SGK3: variants seen among roughly 807,000 people sequenced by gnomAD.
The protein encoded by SGK3 is serum/glucocorticoid regulated kinase family member 3.
Under a neutral mutation model 68.5 loss-of-function variants are expected in SGK3, and 47 were observed. The ratio of observed to expected loss-of-function variants is 0.69; its 90% confidence interval spans 0.54 to 0.87. The LOEUF is 0.87. Ranked by LOEUF, SGK3 falls within the 40% of genes least tolerant of loss-of-function variation. The pLI, the probability that SGK3 is intolerant of heterozygous loss-of-function variation, is 0.00. For missense variants in SGK3, 479 were observed against 575.5 expected, an observed-to-expected ratio of 0.83 and a Z score of 1.72; for synonymous variants, 181 against 189.1, an observed-to-expected ratio of 0.96 and a Z score of 0.35.
At chr8:66,810,022 A>G (rs886573505) in intron 4 of SGK3, among the ~76,000 whole-genome samples, 3 of 152,200 alleles carry the variant, frequency 2.0e-5, no homozygotes, top group African/African-American at 7.2e-5. Flanking sequence ...GCCACATGCC[A>G]TTACATCCAC....
intron 7 of SGK3, among the ~76,000 whole-genome samples, chr8:66,830,513 T>C (rs774599267): frequency 4.6e-5 from 7 of 152,378 alleles, no homozygotes; most frequent in African/African-American, 7.2e-5. Context: ...ATACAACTTA[T>C]GAATTCAGAC....
At chr8:66,746,872 A>T (rs1805669842) in intron 1 of SGK3, among the ~76,000 whole-genome samples, 1 of 151,944 alleles carries the variant, frequency 6.6e-6, no homozygotes, top group Non-Finnish European at 1.5e-5. Context: ...AAAAATATAT[A>T]TTTTTTAAAT....
chr8:66,814,017 G>A, intron 5 of SGK3, 89 bp downstream of exon 5: 11 of 1,099,748 alleles, frequency 1.0e-5, no homozygotes, highest in Non-Finnish European at 1.4e-5. Context: ...TTTGTTCTAT[G>A]AAATGTTACT....
At chr8:66,843,758 C>T (rs981298383) in intron 14 of SGK3, among the ~76,000 whole-genome samples, 2 of 152,158 alleles carry the variant, frequency 1.3e-5, no homozygotes, top group African/African-American at 4.8e-5. Context: ...CTTTGGGAGG[C>T]CAAGGCAGGC....
At chr8:66,857,434 C>T (rs1810557993) in intron 16 of SGK3, among the ~76,000 whole-genome samples, 1 of 152,064 alleles carries the variant, frequency 6.6e-6, no homozygotes, top group Admixed American at 6.6e-5. Context: ...CCTAGAAATT[C>T]AGGGATGGAC....
chr8:66,845,415 CAA>C (rs537290447), intron 14 of SGK3, among the ~76,000 whole-genome samples: 1 of 151,858 alleles, frequency 6.6e-6, no homozygotes, highest in Non-Finnish European at 1.5e-5. Flanking sequence ...AAACAAAAAA[CAA>C]AAAAAGTCAT....
At chr8:66,768,386 G>C (rs1013067054) in intron 1 of SGK3, among the ~76,000 whole-genome samples, 1 of 146,098 alleles carries the variant, frequency 6.8e-6, no homozygotes, top group African/African-American at 2.5e-5. Flanking sequence ...AATGTTTCTT[G>C]TTGTATGAGT....
At chr8:66,731,590 A>G (rs1017389540) in intron 1 of SGK3, among the ~76,000 whole-genome samples, 1 of 152,032 alleles carries the variant, frequency 6.6e-6, no homozygotes, top group African/African-American at 2.4e-5. Flanking sequence ...ACTGGAGTGC[A>G]GTGGCTCGAT....
At chr8:66,841,179 T>C in intron 13 of SGK3, 69 bp downstream of exon 13, 1 of 1,221,680 alleles carries the variant, frequency 8.2e-7, no homozygotes, top group Non-Finnish European at 1.1e-6. Flanking sequence ...ACAGATTGCA[T>C]ATATAAATTT....
chr8:66,779,593 T>C (rs11992512), intron 1 of SGK3, among the ~76,000 whole-genome samples: 2 of 125,670 alleles, frequency 1.6e-5, no homozygotes, highest in African/African-American at 6.4e-5. Context: ...TATATATATA[T>C]ATATATATAA....
At chr8:66,826,452 G>A (rs528493507) in intron 6 of SGK3, among the ~76,000 whole-genome samples, 1 of 152,148 alleles carries the variant, frequency 6.6e-6, no homozygotes, top group South Asian at 2.1e-4. Flanking sequence ...TTATTTTGTA[G>A]CAGTTACTTA....
At chr8:66,819,160 C>T (rs1201818674) in intron 5 of SGK3, among the ~76,000 whole-genome samples, 2 of 152,178 alleles carry the variant, frequency 1.3e-5, no homozygotes, top group East Asian at 3.8e-4. Flanking sequence ...ATACTGAGTA[C>T]TTCCTCTTTA....
chr8:66,808,638 T>C (rs1808258400), intron 4 of SGK3, among the ~76,000 whole-genome samples: 1 of 151,036 alleles, frequency 6.6e-6, no homozygotes, highest in Non-Finnish European at 1.5e-5. Flanking sequence ...CTCAACCTCA[T>C]GAGTAGCTGG....
intron 1 of SGK3, among the ~76,000 whole-genome samples, chr8:66,734,499 A>G (rs1356721297): frequency 6.6e-6 from 1 of 152,206 alleles, no homozygotes; most frequent in Non-Finnish European, 1.5e-5. Context: ...TGGGAAAAGT[A>G]GGAGGCAAAC....
At chr8:66,715,110 C>A (rs1241736813) in intron 1 of SGK3, among the ~76,000 whole-genome samples, 1 of 152,168 alleles carries the variant, frequency 6.6e-6, no homozygotes, top group Non-Finnish European at 1.5e-5. Context: ...TCCCTTTGGA[C>A]TTATTTCTTA....
intron 7 of SGK3, among the ~76,000 whole-genome samples, chr8:66,829,863 A>G (rs1809230087): frequency 6.6e-6 from 1 of 151,330 alleles, no homozygotes; most frequent in African/African-American, 2.4e-5. Context: ...AGCACAAAAA[A>G]TGGATTTTTT....
intron 1 of SGK3, chr8:66,767,955 A>G (rs779275019): frequency 2.0e-5 from 18 of 915,082 alleles, no homozygotes; most frequent in Non-Finnish European, 3.1e-5. Flanking sequence ...TTGTAGCCAC[A>G]AGGATGCCTG....
intron 3 of SGK3, among the ~76,000 whole-genome samples, chr8:66,801,073 A>G: frequency 6.6e-6 from 1 of 152,244 alleles, no homozygotes; most frequent in African/African-American, 2.4e-5. Context: ...ATGCACACGC[A>G]ACTGCACTTA....
intron 1 of SGK3, among the ~76,000 whole-genome samples, chr8:66,746,866 A>C (rs761693715): frequency 4.5e-4 from 69 of 152,002 alleles, no homozygotes; most frequent in Non-Finnish European, 8.5e-4. Flanking sequence ...GGCCTAAAAA[A>C]TATATATTTT....
Sources: allele counts gnomAD v4.1 joint callset (sites outside exome capture counted in the v4.1 genomes callset), GRCh38; gene constraint gnomAD v4.1.1; transcripts MANE v1.5; gene names NCBI Gene and HGNC (gene_info 2026-07-23, HGNC 2026-07-21).